LINGO2: variants seen among roughly 807,000 people sequenced by gnomAD.
LINGO2 encodes the protein leucine-rich repeat and immunoglobulin-like domain-containing nogo receptor-interacting protein 2.
In LINGO2, 14 loss-of-function variants were observed where a neutral mutation model predicts 30.6. That is an observed-to-expected ratio of 0.46 (90% confidence interval 0.30 to 0.72). The LOEUF is 0.72. Ranked by LOEUF, LINGO2 falls within the 30% of genes least tolerant of loss-of-function variation. The pLI is 0.07. For synonymous variants in LINGO2, 317 were observed against 288.5 expected, an observed-to-expected ratio of 1.10 and a Z score of -1.00; for missense variants, 729 against 751.7, an observed-to-expected ratio of 0.97 and a Z score of 0.35.
At chr9:28,467,633 A>G (rs1342871497) in intron 2 of LINGO2, among the ~76,000 whole-genome samples, 1 of 152,174 alleles carries the variant, frequency 6.6e-6, no homozygotes, top group Non-Finnish European at 1.5e-5. Flanking sequence ...GTAAAATTGA[A>G]GAAGTAAATA....
chr9:28,912,863 T>A, the LINGO2 span, among the ~76,000 whole-genome samples: 1 of 152,170 alleles, frequency 6.6e-6, no homozygotes. Context: ...TTTGGATTCA[T>A]GACATCACCT....
chr9:27,955,935 CTTT>C (rs532878364), intron 5 of LINGO2, among the ~76,000 whole-genome samples: 4 of 106,772 alleles, frequency 3.7e-5, no homozygotes, highest in East Asian at 2.9e-4. Context: ...TGGATACTGA[CTTT>C]TTTTTTTTTT....
chr9:28,019,730 A>G (rs1054684502), intron 4 of LINGO2, among the ~76,000 whole-genome samples: 1 of 152,050 alleles, frequency 6.6e-6, no homozygotes, highest in Non-Finnish European at 1.5e-5. Flanking sequence ...CAAAAGCAAT[A>G]TTTTTTCTAA....
At chr9:28,555,319 C>A (rs1822592694) in intron 1 of LINGO2, among the ~76,000 whole-genome samples, 1 of 145,842 alleles carries the variant, frequency 6.9e-6, no homozygotes, top group African/African-American at 2.6e-5. Context: ...GGGGATATCA[C>A]CACCGATCCC....
At chr9:28,325,129 C>T (rs1433051249) in intron 3 of LINGO2, among the ~76,000 whole-genome samples, 1 of 151,718 alleles carries the variant, frequency 6.6e-6, no homozygotes, top group Non-Finnish European at 1.5e-5. Flanking sequence ...ACTAAGATGG[C>T]CTGTTTCTCT....
At chr9:28,779,139 G>A in the LINGO2 span, among the ~76,000 whole-genome samples, 1 of 152,172 alleles carries the variant, frequency 6.6e-6, no homozygotes, top group African/African-American at 2.4e-5. Context: ...ATAAATAAAT[G>A]CATGCAAAAG....
the LINGO2 span, among the ~76,000 whole-genome samples, chr9:28,789,923 A>T: frequency 2.0e-5 from 3 of 152,164 alleles, no homozygotes; most frequent in South Asian, 4.1e-4. Flanking sequence ...TTCTTTGACT[A>T]CTAGAATAAT....
At chr9:28,624,941 T>A (rs2135845422) in intron 1 of LINGO2, among the ~76,000 whole-genome samples, 1 of 151,458 alleles carries the variant, frequency 6.6e-6, no homozygotes, top group East Asian at 2.0e-4. Context: ...TTGCCTGGGG[T>A]TAAGGGAGAG....
At chr9:28,979,420 C>T in the LINGO2 span, among the ~76,000 whole-genome samples, 1 of 151,826 alleles carries the variant, frequency 6.6e-6, no homozygotes, top group African/African-American at 2.4e-5. Flanking sequence ...GTTAACAAAA[C>T]AAAAAATGTC....
At chr9:28,653,290 G>A (rs1828191226) in intron 1 of LINGO2, among the ~76,000 whole-genome samples, 1 of 152,208 alleles carries the variant, frequency 6.6e-6, no homozygotes, top group South Asian at 2.1e-4. Context: ...TGTACCACCT[G>A]GAGCTAGGGG....
At chr9:28,127,203 G>A (rs757172813) in intron 4 of LINGO2, among the ~76,000 whole-genome samples, 25 of 152,110 alleles carry the variant, frequency 1.6e-4, no homozygotes, top group Non-Finnish European at 2.6e-4. Context: ...CTTGAATCTG[G>A]TATGGCTTTA....
chr9:28,253,042 A>G (rs1420798737), intron 4 of LINGO2, among the ~76,000 whole-genome samples: 6 of 152,116 alleles, frequency 3.9e-5, no homozygotes, highest in African/African-American at 1.4e-4. Flanking sequence ...CAGAGCAGTT[A>G]TCAAACCTAA....
At chr9:28,346,806 C>G (rs79714344) in intron 3 of LINGO2, among the ~76,000 whole-genome samples, 1 of 146,696 alleles carries the variant, frequency 6.8e-6, no homozygotes, top group African/African-American at 2.5e-5. Context: ...TTTTTTTTTT[C>G]ATATGCTTGT....
At chr9:28,416,775 C>T (rs181355739) in intron 2 of LINGO2, among the ~76,000 whole-genome samples, 17 of 152,200 alleles carry the variant, frequency 1.1e-4, no homozygotes, top group Admixed American at 2.6e-4. Context: ...TATAAGAAGA[C>T]GCTTTTATTA....
intron 4 of LINGO2, among the ~76,000 whole-genome samples, chr9:28,124,620 C>T (rs1827188886): frequency 6.6e-6 from 1 of 152,178 alleles, no homozygotes; most frequent in African/African-American, 2.4e-5. Context: ...CAGAGATCAA[C>T]TTATTTTTCC....
chr9:28,486,165 G>A (rs16913186), intron 1 of LINGO2, among the ~76,000 whole-genome samples: 7 of 152,180 alleles, frequency 4.6e-5, no homozygotes, highest in East Asian at 1.9e-4. Context: ...AATCCAGCAC[G>A]TCCAGACTAC....
At chr9:28,053,383 G>A (rs1167503350) in intron 4 of LINGO2, among the ~76,000 whole-genome samples, 1 of 151,364 alleles carries the variant, frequency 6.6e-6, no homozygotes, top group Non-Finnish European at 1.5e-5. Context: ...GCAGAAGCAA[G>A]ATCATAAAAA....
At chr9:28,198,149 G>A (rs1820082165) in intron 4 of LINGO2, among the ~76,000 whole-genome samples, 2 of 144,276 alleles carry the variant, frequency 1.4e-5, no homozygotes, top group Non-Finnish European at 3.0e-5. Context: ...ACAACATTGA[G>A]AAATTTCAGG....
At chr9:28,024,648 G>A (rs181166101) in intron 4 of LINGO2, among the ~76,000 whole-genome samples, 1 of 152,196 alleles carries the variant, frequency 6.6e-6, no homozygotes, top group African/African-American at 2.4e-5. Flanking sequence ...TGCTTGCCTA[G>A]CTGCCTGGTT....
Sources: allele counts gnomAD v4.1 joint callset (sites outside exome capture counted in the v4.1 genomes callset), GRCh38; gene constraint gnomAD v4.1.1; transcripts MANE v1.5; gene names NCBI Gene and HGNC (gene_info 2026-07-23, HGNC 2026-07-21).